TSPAN7: variants seen among roughly 807,000 people sequenced by gnomAD.
The protein encoded by TSPAN7 is tetraspanin-7.
TSPAN7 carries 1 observed loss-of-function variant against 17.6 expected under a neutral mutation model. That is an observed-to-expected ratio of 0.06 (90% CI 0.02 to 0.27). The LOEUF is 0.27. Ranked by LOEUF, TSPAN7 falls within the 10% of genes least tolerant of loss-of-function variation. TSPAN7 has a pLI of 1.00. For missense variants in TSPAN7, 112 were observed against 201.7 expected, an observed-to-expected ratio of 0.56 and a Z score of 2.69; for synonymous variants, 78 against 79.0, an observed-to-expected ratio of 0.99 and a Z score of 0.07.
At chrX:38,611,797 A>G (rs1235544736) in intron 1 of TSPAN7, among the ~76,000 whole-genome samples, 2 of 111,708 alleles carry the variant, frequency 1.8e-5, no homozygotes, top group Non-Finnish European at 3.8e-5. Flanking sequence ...TACAATATAA[A>G]GAATAATTTT....
intron 1 of TSPAN7, among the ~76,000 whole-genome samples, chrX:38,615,554 GT>G (rs59197262): frequency 0.23 from 25,743 of 110,235 alleles, 2,861 homozygotes; most frequent in East Asian, 0.65. Flanking sequence ...CCAGTTTTTT[GT>G]TTTTTGTTTT....
intron 1 of TSPAN7, chrX:38,570,880 G>C (rs1409874847): frequency 9.0e-6 from 1 of 111,674 alleles, no homozygotes; most frequent in African/African-American, 3.3e-5. Context: ...AGAAAAGGAT[G>C]TAGAGGAAAA....
chrX:38,679,911 G>T (rs2069878259), intron 5 of TSPAN7, among the ~76,000 whole-genome samples: 1 of 111,028 alleles, frequency 9.0e-6, no homozygotes, highest in African/African-American at 3.3e-5. Flanking sequence ...AAGGAGTATA[G>T]TTTGTCAATT....
intron 1 of TSPAN7, among the ~76,000 whole-genome samples, chrX:38,601,785 C>T (rs951162786): frequency 1.8e-5 from 2 of 111,706 alleles, no homozygotes; most frequent in Non-Finnish European, 3.8e-5. Context: ...CTTGACTCAG[C>T]TGGGATGGCC....
At chrX:38,622,562 A>G (rs1034559675) in intron 1 of TSPAN7, among the ~76,000 whole-genome samples, 26 of 112,076 alleles carry the variant, frequency 2.3e-4, no homozygotes, top group African/African-American at 7.8e-4. Flanking sequence ...CTGTATTTAA[A>G]GAAAAGAAAA....
At chrX:38,666,369 A>T (rs2069781721) in intron 2 of TSPAN7, 60 bp downstream of exon 2, 1 of 1,126,346 alleles carries the variant, frequency 8.9e-7, no homozygotes, top group South Asian at 1.9e-5. Context: ...AATATAAATT[A>T]CATGGAGGTG....
chrX:38,649,527 G>C (rs2069664690), intron 1 of TSPAN7, among the ~76,000 whole-genome samples: 1 of 111,513 alleles, frequency 9.0e-6, no homozygotes, highest in African/African-American at 3.3e-5. Flanking sequence ...TGAGGGAAGG[G>C]CCTGGCCTCC....
At chrX:38,570,510 A>G (rs1465377674) in intron 1 of TSPAN7, among the ~76,000 whole-genome samples, 2 of 111,556 alleles carry the variant, frequency 1.8e-5, no homozygotes, top group Non-Finnish European at 3.8e-5. Context: ...GAGTTGCATT[A>G]CTTATTCAGT....
chrX:38,659,495 A>G (rs960006222), intron 1 of TSPAN7, among the ~76,000 whole-genome samples: 3 of 111,498 alleles, frequency 2.7e-5, no homozygotes, highest in African/African-American at 9.8e-5. Context: ...GCTGGGAGGG[A>G]AGCACTGGCA....
chrX:38,624,270 ATGT>A (rs1223361225), intron 1 of TSPAN7, among the ~76,000 whole-genome samples: 4 of 111,288 alleles, frequency 3.6e-5, no homozygotes, highest in Non-Finnish European at 7.5e-5. Context: ...AGCCATCAAA[ATGT>A]TGTTATTTAA....
intron 1 of TSPAN7, among the ~76,000 whole-genome samples, chrX:38,586,443 G>A (rs1379529394): frequency 8.9e-6 from 1 of 112,141 alleles, no homozygotes; most frequent in Non-Finnish European, 1.9e-5. Flanking sequence ...TCATATGTTA[G>A]GAGATGAAAA....
intron 1 of TSPAN7, among the ~76,000 whole-genome samples, chrX:38,664,177 G>A (rs1405344690): frequency 4.5e-5 from 5 of 112,071 alleles, no homozygotes; most frequent in Admixed American, 1.9e-4. Flanking sequence ...AGTTGTGTAC[G>A]TATGTGGTAT....
intron 1 of TSPAN7, among the ~76,000 whole-genome samples, chrX:38,638,509 G>T (rs963804789): frequency 8.9e-6 from 1 of 112,106 alleles, no homozygotes; most frequent in Non-Finnish European, 1.9e-5. Flanking sequence ...GCATAAATCT[G>T]ATTTTTTATG....
chrX:38,659,511 G>T (rs183499791), intron 1 of TSPAN7, among the ~76,000 whole-genome samples: 26 of 111,801 alleles, frequency 2.3e-4, no homozygotes, highest in Non-Finnish European at 3.8e-4. Flanking sequence ...TGGCAATCAG[G>T]TTTCTCTACT....
chrX:38,672,607 C>G (rs2069828450), intron 3 of TSPAN7, among the ~76,000 whole-genome samples: 1 of 111,565 alleles, frequency 9.0e-6, no homozygotes, highest in Admixed American at 9.5e-5. Context: ...GCCCCTCGTG[C>G]ATGTATGAAC....
intron 1 of TSPAN7, among the ~76,000 whole-genome samples, chrX:38,659,823 C>CTTTTTTTTTTTTTTTTTTTT (rs748922281): frequency 1.1e-4 from 7 of 61,605 alleles, no homozygotes; most frequent in Non-Finnish European, 1.5e-4. Flanking sequence ...TTTTCTTTTT[C>CTTTTTTTTTTTTTTTTTTTT]TTTTTTTTTT....
At chrX:38,615,546 A>AGTTTTTT (rs1032684133) in intron 1 of TSPAN7, among the ~76,000 whole-genome samples, 1 of 97,401 alleles carries the variant, frequency 1.0e-5, no homozygotes, top group Non-Finnish European at 2.1e-5. Flanking sequence ...TGTCCTCTCC[A>AGTTTTTT]GTTTTTTGTT....
intron 1 of TSPAN7, among the ~76,000 whole-genome samples, chrX:38,665,405 G>A (rs1035951116): frequency 1.8e-5 from 2 of 111,391 alleles, no homozygotes; most frequent in Admixed American, 1.9e-4. Flanking sequence ...AGGGGGTGGG[G>A]TGTTAGGCAT....
chrX:38,634,545 A>G (rs1206133034), intron 1 of TSPAN7, among the ~76,000 whole-genome samples: 3 of 112,038 alleles, frequency 2.7e-5, no homozygotes, highest in South Asian at 3.7e-4. Context: ...CCACAGATCT[A>G]CATCCAGTTG....
Sources: gnomAD v4.1 joint callset for allele counts (sites outside exome capture counted in the v4.1 genomes callset) on GRCh38, gnomAD v4.1.1 for gene constraint, MANE v1.5 for transcripts, NCBI Gene and HGNC (gene_info 2026-07-23, HGNC 2026-07-21) for gene names.